SLC9A7: variants seen among roughly 807,000 people sequenced by gnomAD.
SLC9A7 encodes sodium/hydrogen exchanger 7.
A neutral mutation model predicts 52.6 loss-of-function variants in SLC9A7; 19 were observed. The ratio of observed to expected loss-of-function variants is 0.36; its 90% CI spans 0.25 to 0.53. The LOEUF (loss-of-function observed/expected upper bound fraction) is 0.53. SLC9A7 is among the 20% of genes least tolerant of loss of function. The pLI is 0.91. For synonymous variants in SLC9A7, 226 were observed against 252.1 expected, an observed-to-expected ratio of 0.90 and a Z score of 0.98; for missense variants, 455 against 597.9, an observed-to-expected ratio of 0.76 and a Z score of 2.49.
intron 1 of SLC9A7, chrX:46,725,621 C>A: frequency 1.8e-6 from 2 of 1,111,971 alleles, no homozygotes; most frequent in Non-Finnish European, 2.5e-6. Flanking sequence ...TTAAAACTCA[C>A]GAGGCTTTCT....
chrX:46,641,526 A>T (rs1943405843), intron 12 of SLC9A7, among the ~76,000 whole-genome samples: 1 of 111,789 alleles, frequency 8.9e-6, no homozygotes, highest in Admixed American at 9.5e-5. Context: ...TAGAGGGTAA[A>T]CCTTTTTTCT....
chrX:46,712,396 C>G (rs1944704806), intron 1 of SLC9A7, among the ~76,000 whole-genome samples: 1 of 110,208 alleles, frequency 9.1e-6, no homozygotes, highest in Non-Finnish European at 1.9e-5. Context: ...TGGGGAGATG[C>G]CAGGTTCTTT....
chrX:46,748,602 T>C (rs1922008345), intron 1 of SLC9A7, among the ~76,000 whole-genome samples: 1 of 106,697 alleles, frequency 9.4e-6, no homozygotes, highest in Non-Finnish European at 1.9e-5. Flanking sequence ...CACTGCAGTA[T>C]TATTCAGCCA....
At chrX:46,702,791 T>C (rs1459454530) in intron 1 of SLC9A7, among the ~76,000 whole-genome samples, 2 of 112,425 alleles carry the variant, frequency 1.8e-5, no homozygotes, top group Non-Finnish European at 3.8e-5. Flanking sequence ...TTCCTTTGGA[T>C]ATATACCCAG....
rs763727030 is a variant in SLC9A7, at chrX:46,631,610, G to A, written c.1716C>T (p.Asn572=). The change falls in exon 14 of 17, where the codon AAC becomes AAT. Residue 572 remains asparagine, a synonymous_variant. Transcript: ENST00000616978. ...VDPDQDPPPN[N]DSFQVLQGDG... Reference sequence around the variant, plus strand: ...CCCCTTGTAAGACTTGAAAGCTGTCGTTGTTGGGTGGTGGGTCTTGATCGG... The same window carrying A: ...CCCCTTGTAAGACTTGAAAGCTGTCATTGTTGGGTGGTGGGTCTTGATCGG... 26 of 1,208,225 alleles carry A rather than the reference G, an allele frequency of 2.2e-5. No homozygotes were observed. In the South Asian group the frequency reaches 2.3e-4, roughly 11 times the overall value.
At position 46,648,112 on chromosome X, in the gene SLC9A7, G is replaced by A. The variant is rs1007923547; in HGVS notation, c.1462+574C>T. Among the ~76,000 whole-genome samples, 8 of 112,306 alleles carry A rather than the reference G, an allele frequency of 7.1e-5. No homozygotes were observed. The Admixed American group carries it at 7.5e-4, about 11-fold the overall frequency. ...TCTCAGCTTTACAGGGAAAAGGGGG[G>A]CATGTGGGAGACAGTGTCAATTAAG... On this transcript the variant is annotated intron_variant, in intron 11 of 16. Coordinates refer to ENST00000616978, the MANE Select transcript of SLC9A7 (RefSeq NM_001257291.2).
At chrX:46,633,694 C>T (rs924734788) in intron 13 of SLC9A7, among the ~76,000 whole-genome samples, 18 of 101,295 alleles carry the variant, frequency 1.8e-4, no homozygotes, top group African/African-American at 5.1e-4. Context: ...TTTTTTGAGA[C>T]GGAGTCTCAC....
In SLC9A7 at chrX:46,725,663, C is replaced by A. The variant is rs905426035; in HGVS notation, c.325+33042G>T. ...CCATACTCTTTGCAGGACCCTCTCT[C>A]ATCTTCTTGATCTGATCCTTATACT... On this transcript the variant is annotated intron_variant, in intron 1 of 16. Coordinates refer to ENST00000616978, the MANE Select transcript of SLC9A7 (RefSeq NM_001257291.2). 25 of 1,186,462 alleles carry A rather than the reference C, an allele frequency of 2.1e-5. No homozygotes were observed. In the African/African-American group the frequency reaches 3.7e-4, roughly 18 times the overall value.
intron 5 of SLC9A7, among the ~76,000 whole-genome samples, chrX:46,665,763 T>G (rs759839728): frequency 1.2e-4 from 13 of 111,293 alleles, no homozygotes; most frequent in African/African-American, 4.2e-4. Context: ...TTTTCTTTTC[T>G]TTTTAGACAG....
intron 1 of SLC9A7, among the ~76,000 whole-genome samples, chrX:46,729,833 T>C (rs1945000731): frequency 8.9e-6 from 1 of 111,915 alleles, no homozygotes. Context: ...TGTCAAACTT[T>C]AAAAAGATGA....
At chrX:46,654,951 T>C (rs779890744) in intron 7 of SLC9A7, among the ~76,000 whole-genome samples, 63 of 105,869 alleles carry the variant, frequency 6.0e-4, no homozygotes, top group African/African-American at 2.0e-3. Context: ...ACACACACAC[T>C]GTATTTCTTT....
intron 3 of SLC9A7, among the ~76,000 whole-genome samples, chrX:46,677,845 G>T: frequency 8.9e-6 from 1 of 112,169 alleles, no homozygotes; most frequent in Non-Finnish European, 1.9e-5. Flanking sequence ...ATATGGGTGT[G>T]TGGAAAGGTT....
chrX:46,643,929 A>G (rs987635689), intron 11 of SLC9A7, among the ~76,000 whole-genome samples: 1 of 112,287 alleles, frequency 8.9e-6, no homozygotes, highest in Non-Finnish European at 1.9e-5. Flanking sequence ...GTGGGCCAAG[A>G]GGCAAAATCA....
chrX:46,663,042 A>G (rs1312692095), intron 5 of SLC9A7, among the ~76,000 whole-genome samples: 1 of 112,757 alleles, frequency 8.9e-6, no homozygotes, highest in Non-Finnish European at 1.9e-5. Flanking sequence ...AAAATGATTA[A>G]TGAGATTTTG....
intron 1 of SLC9A7, among the ~76,000 whole-genome samples, chrX:46,687,835 C>G (rs770511895): frequency 9.0e-6 from 1 of 110,787 alleles, no homozygotes; most frequent in African/African-American, 3.4e-5. Context: ...TCTGCAGTCA[C>G]TTCCTGCTTC....
In SLC9A7 at chrX:46,747,736, T is replaced by C. The variant is rs1452907720; in HGVS notation, c.325+10969A>G. ...GATTAAAAATGGCAAAGAATTTGAA[T>C]AGACATTTCTCCAAATAAAATATAC... is the stretch of plus-strand genomic sequence containing the variant. On this transcript the variant is annotated intron_variant, in intron 1 of 16. Transcript: ENST00000616978. Among the ~76,000 whole-genome samples the C allele has an allele frequency of 2.9e-4, 33 of 111,938 alleles. No homozygotes were observed. The Admixed American group carries it at 3.1e-3, about 11-fold the overall frequency.
At chrX:46,725,763 T>G (rs1483506281) in intron 1 of SLC9A7, 3 of 970,132 alleles carry the variant, frequency 3.1e-6, no homozygotes, top group Non-Finnish European at 4.4e-6. Context: ...GTCAATGCAG[T>G]CAGTCAGGCT....
intron 1 of SLC9A7, among the ~76,000 whole-genome samples, chrX:46,717,323 T>C (rs755076014): frequency 1.8e-5 from 2 of 112,106 alleles, no homozygotes; most frequent in Non-Finnish European, 3.8e-5. Context: ...TAAGAGAAAA[T>C]TACTGCACAA....
intron 3 of SLC9A7, among the ~76,000 whole-genome samples, chrX:46,674,826 G>A (rs1356687491): frequency 4.5e-5 from 5 of 111,456 alleles, no homozygotes; most frequent in African/African-American, 1.6e-4. Flanking sequence ...AGGAGATGAT[G>A]GCATGCCCTG....
Sources: allele counts gnomAD v4.1 joint callset (sites outside exome capture counted in the v4.1 genomes callset), GRCh38; gene constraint gnomAD v4.1.1; transcripts MANE v1.5; gene names NCBI Gene and HGNC (gene_info 2026-07-23, HGNC 2026-07-21).